Variants in PDE4D observed in about 807,000 individuals in gnomAD.
The protein encoded by PDE4D is 3',5'-cyclic-AMP phosphodiesterase 4D.
Under a neutral mutation model 87.4 loss-of-function variants are expected in PDE4D, and 24 were observed. The ratio of observed to expected loss-of-function variants is 0.27; its 90% confidence interval spans 0.20 to 0.39. The LOEUF (loss-of-function observed/expected upper bound fraction) is 0.39, where lower values mean the gene tolerates loss of function less well. Ranked by LOEUF, PDE4D falls within the 10% of genes least tolerant of loss-of-function variation. The probability of loss-of-function intolerance (pLI) is 1.00; values close to 1 mark genes in which losing one functional copy is unlikely to be tolerated. For synonymous variants in PDE4D, 384 were observed against 383.2 expected (o/e 1.00, Z -0.02); for missense variants, 714 against 1,041.0 (o/e 0.69, Z 4.32).
intron 1 of PDE4D, among the ~76,000 whole-genome samples, chr5:59,565,211 C>T (rs6858964): frequency 0.68 from 103,640 of 151,770 alleles, 35,662 homozygotes; most frequent in South Asian, 0.8. Context: ...AGACTGGAGG[C>T]CTGTACACTA....
At chr5:59,765,058 C>T (rs150052682) in intron 1 of PDE4D, among the ~76,000 whole-genome samples, 205 of 152,286 alleles carry the variant, frequency 1.3e-3, no homozygotes, top group African/African-American at 4.7e-3. Flanking sequence ...AGCCATCATG[C>T]CAAGCATGGG....
At chr5:60,003,688 A>G (rs576523244) in intron 2 of PDE4D, among the ~76,000 whole-genome samples, 46 of 149,602 alleles carry the variant, frequency 3.1e-4, no homozygotes, top group African/African-American at 9.6e-4. Flanking sequence ...CAGCCTGGGC[A>G]ACAGAGCGAG....
chr5:60,517,905 A>T (rs1169543683), intron 1 of PDE4D, among the ~76,000 whole-genome samples: 1 of 152,162 alleles, frequency 6.6e-6, no homozygotes, highest in Non-Finnish European at 1.5e-5. Context: ...TGCAGGTGAG[A>T]AGAGGGAGAG....
intron 2 of PDE4D, among the ~76,000 whole-genome samples, chr5:59,203,320 T>TTA (rs397721888): frequency 3.0e-4 from 45 of 151,972 alleles, no homozygotes; most frequent in African/African-American, 1.1e-3. Context: ...AGTTTTTTTT[T>TTA]AATCAAAAAA....
At chr5:60,492,169 G>A (rs889516220), upstream of PDE4D, among the ~76,000 whole-genome samples, 4 of 149,872 alleles carry the variant, frequency 2.7e-5, no homozygotes, top group Admixed American at 6.6e-5. Flanking sequence ...ATGGTGGCTC[G>A]CCCCTTTAGT....
At chr5:59,502,072 A>G (rs1808379922) in intron 1 of PDE4D, among the ~76,000 whole-genome samples, 1 of 152,088 alleles carries the variant, frequency 6.6e-6, no homozygotes, top group Non-Finnish European at 1.5e-5. Context: ...TAATCTCCCT[A>G]AAGATTCATG....
chr5:60,461,326 A>G (rs954706091), intron 1 of PDE4D, among the ~76,000 whole-genome samples: 1 of 152,152 alleles, frequency 6.6e-6, no homozygotes, highest in Non-Finnish European at 1.5e-5. Flanking sequence ...TCTTGGTGAA[A>G]TTTACCTCCA....
chr5:59,809,185 G>T (rs1561696176), intron 1 of PDE4D, among the ~76,000 whole-genome samples: 2 of 152,184 alleles, frequency 1.3e-5, no homozygotes, highest in African/African-American at 2.4e-5. Flanking sequence ...ATTAAGCAAA[G>T]ATCTTTGAGA....
At chr5:59,793,459 G>A (rs56312915) in intron 1 of PDE4D, among the ~76,000 whole-genome samples, 26,629 of 152,140 alleles carry the variant, frequency 0.18, 3,049 homozygotes, top group South Asian at 0.24. Flanking sequence ...GACATTATAA[G>A]GAAGTAGTTA....
At chr5:59,842,626 T>C (rs1743186151) in intron 1 of PDE4D, among the ~76,000 whole-genome samples, 1 of 152,096 alleles carries the variant, frequency 6.6e-6, no homozygotes, top group South Asian at 2.1e-4. Context: ...ATCATAAAGA[T>C]AAATTTAATT....
At chr5:59,556,160 C>T (rs1818878200) in intron 1 of PDE4D, among the ~76,000 whole-genome samples, 1 of 152,194 alleles carries the variant, frequency 6.6e-6, no homozygotes, top group Admixed American at 6.6e-5. Flanking sequence ...TTTCTGACTA[C>T]TAAGTTCTCT....
intron 1 of PDE4D, among the ~76,000 whole-genome samples, chr5:60,416,560 G>C (rs540552125): frequency 4.6e-5 from 7 of 151,750 alleles, no homozygotes; most frequent in Admixed American, 3.3e-4. Flanking sequence ...CTTCACTCCT[G>C]AGCCAGCAAG....
chr5:60,394,086 T>C (rs1213791163), intron 1 of PDE4D, among the ~76,000 whole-genome samples: 2 of 152,222 alleles, frequency 1.3e-5, no homozygotes, highest in African/African-American at 4.8e-5. Context: ...ATCTGGATTT[T>C]TATTCAATCT....
At chr5:59,912,826 A>T (rs1753599660) in intron 3 of PDE4D, among the ~76,000 whole-genome samples, 1 of 152,210 alleles carries the variant, frequency 6.6e-6, no homozygotes, top group African/African-American at 2.4e-5. Flanking sequence ...GAACAATAAC[A>T]CATAATAAAT....
rs529351717 is a variant in PDE4D, at chr5:59,135,545, C to T, written c.808+45050G>A. On this transcript the variant is annotated intron_variant, in intron 5 of 14. Transcript: ENST00000340635. Reference sequence around the variant, plus strand: ...GAGATTCTGGGCCTTTAAACACAATCCTCTCTGGTCTGGACTTATTTGCAA... The same window carrying T: ...GAGATTCTGGGCCTTTAAACACAATTCTCTCTGGTCTGGACTTATTTGCAA... Among the ~76,000 whole-genome samples, 9 of 152,312 alleles carry T rather than the reference C, an allele frequency of 5.9e-5. No individual in the cohort carries two copies. The East Asian group carries it at 1.3e-3, about 23-fold the overall frequency.
chr5:59,244,686 G>C (rs1373125927), intron 1 of PDE4D, among the ~76,000 whole-genome samples: 42 of 133,860 alleles, frequency 3.1e-4, no homozygotes, highest in African/African-American at 9.2e-4. Context: ...GTGTCTGTGT[G>C]TGTGTGTGTG....
chr5:59,920,317 T>C (rs1754527927), intron 3 of PDE4D, among the ~76,000 whole-genome samples: 1 of 152,232 alleles, frequency 6.6e-6, no homozygotes, highest in Non-Finnish European at 1.5e-5. Flanking sequence ...CCAAGCCCAT[T>C]CTCCAAAGTA....
At chr5:58,977,078 A>G in intron 12 of PDE4D, 113 bp downstream of exon 12, 1 of 937,286 alleles carries the variant, frequency 1.1e-6, no homozygotes, top group Non-Finnish European at 1.6e-6. Flanking sequence ...ATAAAGGGCC[A>G]TAATATGTTT....
At chr5:59,145,490 C>T (rs1301242739) in intron 5 of PDE4D, among the ~76,000 whole-genome samples, 2 of 152,136 alleles carry the variant, frequency 1.3e-5, no homozygotes, top group East Asian at 1.9e-4. Flanking sequence ...TATCTTTCCG[C>T]ATGATTTTTA....
Sources: allele counts gnomAD v4.1 joint callset (sites outside exome capture counted in the v4.1 genomes callset), GRCh38; gene constraint gnomAD v4.1.1; transcripts MANE v1.5; gene names NCBI Gene and HGNC (gene_info 2026-07-23, HGNC 2026-07-21).